The following GULP1 variants were observed in gnomAD, a reference collection of about 807,000 sequenced individuals.
The protein encoded by GULP1 is GULP PTB domain containing engulfment adaptor 1.
In GULP1, 19 loss-of-function variants were observed where a neutral mutation model predicts 40.9. The ratio of observed to expected loss-of-function variants is 0.46; its 90% CI spans 0.32 to 0.68. The LOEUF (loss-of-function observed/expected upper bound fraction) is 0.68, where lower values mean the gene tolerates loss of function less well. Ranked by LOEUF, GULP1 falls within the 30% of genes least tolerant of loss-of-function variation. GULP1 has a pLI of 0.03. For missense variants in GULP1, 312 were observed against 362.2 expected (o/e 0.86, Z 1.12); for synonymous variants, 119 against 117.6 (o/e 1.01, Z -0.08).
intron 5 of GULP1, among the ~76,000 whole-genome samples, chr2:188,526,954 C>T (rs1686319409): frequency 6.6e-6 from 1 of 152,072 alleles, no homozygotes; most frequent in East Asian, 1.9e-4. Context: ...ACAATTAATT[C>T]ATCCTGTTAT....
At chr2:188,337,435 C>T (rs544274906) in intron 1 of GULP1, among the ~76,000 whole-genome samples, 31 of 149,732 alleles carry the variant, frequency 2.1e-4, no homozygotes, top group Admixed American at 1.0e-3. Flanking sequence ...CCACCGCGCC[C>T]GGCCCTCCAA....
intron 2 of GULP1, among the ~76,000 whole-genome samples, chr2:188,462,584 T>C (rs1423213502): frequency 6.6e-6 from 1 of 152,180 alleles, no homozygotes; most frequent in Non-Finnish European, 1.5e-5. Flanking sequence ...TTGCTTCATA[T>C]ATCTGGGTGC....
intron 7 of GULP1, among the ~76,000 whole-genome samples, chr2:188,556,676 T>A (rs1311060147): frequency 2.0e-5 from 3 of 152,172 alleles, no homozygotes; most frequent in Non-Finnish European, 4.4e-5. Context: ...TGTATAAAAG[T>A]CACTTCTTCC....
intron 1 of GULP1, among the ~76,000 whole-genome samples, chr2:188,366,423 T>C (rs2046793357): frequency 6.6e-6 from 1 of 152,124 alleles, no homozygotes. Context: ...TATCTGACTA[T>C]TAAGTGCACA....
At chr2:188,304,952 A>C (rs2036797053) in intron 1 of GULP1, among the ~76,000 whole-genome samples, 1 of 152,074 alleles carries the variant, frequency 6.6e-6, no homozygotes, top group African/African-American at 2.4e-5. Context: ...GTGTCTTCTA[A>C]TTCAATTCTG....
chr2:188,387,631 G>C (rs2049954789), intron 2 of GULP1, among the ~76,000 whole-genome samples: 1 of 152,174 alleles, frequency 6.6e-6, no homozygotes, highest in Admixed American at 6.5e-5. Context: ...TTAAGGTAGA[G>C]AGGAACACTG....
intron 1 of GULP1, among the ~76,000 whole-genome samples, chr2:188,315,680 A>G (rs899295459): frequency 9.2e-5 from 14 of 152,160 alleles, no homozygotes; most frequent in African/African-American, 3.4e-4. Context: ...AACCACAGAT[A>G]GTATGTAACC....
At chr2:188,327,271 T>A (rs1035432439) in intron 1 of GULP1, among the ~76,000 whole-genome samples, 1 of 152,154 alleles carries the variant, frequency 6.6e-6, no homozygotes, top group Admixed American at 6.6e-5. Flanking sequence ...TGTACCAACA[T>A]AGGGCTCTTT....
chr2:188,446,105 A>G (rs896522889), intron 2 of GULP1, among the ~76,000 whole-genome samples: 2 of 152,144 alleles, frequency 1.3e-5, no homozygotes, highest in Admixed American at 6.5e-5. Flanking sequence ...GGGAGATATC[A>G]TCTCATCAGG....
chr2:188,497,880 T>G (rs2063056734), intron 4 of GULP1, among the ~76,000 whole-genome samples: 1 of 151,942 alleles, frequency 6.6e-6, no homozygotes, highest in African/African-American at 2.4e-5. Context: ...TAGGGTCCTT[T>G]GTTAGTCACA....
intron 4 of GULP1, among the ~76,000 whole-genome samples, chr2:188,516,067 T>G (rs1483148492): frequency 6.6e-6 from 1 of 152,172 alleles, no homozygotes; most frequent in Non-Finnish European, 1.5e-5. Flanking sequence ...CTGGATAAAG[T>G]GTTGTACTGC....
At chr2:188,474,184 C>A (rs1366141846) in intron 2 of GULP1, among the ~76,000 whole-genome samples, 1 of 152,176 alleles carries the variant, frequency 6.6e-6, no homozygotes, top group Non-Finnish European at 1.5e-5. Flanking sequence ...CCACTCTTCC[C>A]TCTTCTCTCC....
At chr2:188,567,309 C>G (rs906232864) in intron 7 of GULP1, among the ~76,000 whole-genome samples, 1 of 152,146 alleles carries the variant, frequency 6.6e-6, no homozygotes, top group Non-Finnish European at 1.5e-5. Context: ...ACAAATCATG[C>G]TACTATAAAG....
At chr2:188,570,838 G>T (rs1267836508) in intron 9 of GULP1, among the ~76,000 whole-genome samples, 1 of 152,094 alleles carries the variant, frequency 6.6e-6, no homozygotes, top group African/African-American at 2.4e-5. Context: ...TTATTAAAGT[G>T]TATTTATTAT....
intron 4 of GULP1, among the ~76,000 whole-genome samples, chr2:188,500,457 G>A (rs2063330876): frequency 6.6e-6 from 1 of 151,888 alleles, no homozygotes; most frequent in South Asian, 2.1e-4. Flanking sequence ...CTGTGGCAGT[G>A]TTAATAAGCA....
At chr2:188,378,277 A>G (rs994103090) in intron 1 of GULP1, among the ~76,000 whole-genome samples, 1 of 129,622 alleles carries the variant, frequency 7.7e-6, no homozygotes, top group Non-Finnish European at 1.6e-5. Flanking sequence ...GTCTCTATAT[A>G]GAAAAAAAAA....
At chr2:188,388,716 CTG>C (rs1303495841) in intron 2 of GULP1, among the ~76,000 whole-genome samples, 2 of 152,090 alleles carry the variant, frequency 1.3e-5, no homozygotes, top group Admixed American at 6.6e-5. Context: ...AAGCTAGGAA[CTG>C]TAGGAAAATA....
intron 2 of GULP1, among the ~76,000 whole-genome samples, chr2:188,452,067 G>A (rs1009582798): frequency 6.6e-6 from 1 of 152,264 alleles, no homozygotes; most frequent in South Asian, 2.1e-4. Context: ...ATGCACTACA[G>A]CATTTAATAT....
At chr2:188,330,056 G>A (rs984032970) in intron 1 of GULP1, among the ~76,000 whole-genome samples, 11 of 152,164 alleles carry the variant, frequency 7.2e-5, no homozygotes, top group South Asian at 2.1e-4. Context: ...TTGAGGAGTC[G>A]TCATCATATA....
Sources: allele counts gnomAD v4.1 joint callset (sites outside exome capture counted in the v4.1 genomes callset), GRCh38; gene constraint gnomAD v4.1.1; transcripts MANE v1.5; gene names NCBI Gene and HGNC (gene_info 2026-07-23, HGNC 2026-07-21).